CD109: variants seen among roughly 807,000 people sequenced by gnomAD.
CD109 encodes the protein CD109 antigen.
Under a neutral mutation model 165.8 loss-of-function variants are expected in CD109, and 149 were observed. The observed-to-expected ratio is 0.90, with a 90% CI of 0.79 to 1.03. The LOEUF (loss-of-function observed/expected upper bound fraction) is 1.03. CD109 is among the 50% of genes least tolerant of loss of function. CD109 has a pLI of 0.00. For missense variants in CD109, 1,712 were observed against 1,677.8 expected (o/e 1.02, Z -0.36); for synonymous variants, 585 against 592.1 (o/e 0.99, Z 0.18).
chr6:73,709,585 C>T (rs1447649109), intron 2 of CD109, among the ~76,000 whole-genome samples: 3 of 152,112 alleles, frequency 2.0e-5, no homozygotes, highest in African/African-American at 7.2e-5. Context: ...TATAAATTAC[C>T]TTGGGCAGTA....
chr6:73,815,403 CTTTAAA>C (rs1385653482), intron 30 of CD109, among the ~76,000 whole-genome samples: 1 of 152,118 alleles, frequency 6.6e-6, no homozygotes, highest in Non-Finnish European at 1.5e-5. Flanking sequence ...TTTAGGAAAA[CTTTAAA>C]TTAAGTCAAT....
In CD109 at chr6:73,731,442, G is replaced by C. The variant is rs922736771; in HGVS notation, c.507+868G>C. Among the ~76,000 whole-genome samples the C allele has an allele frequency of 1.3e-4, 20 of 152,218 alleles. 1 individual carries two copies. Among genetic ancestry groups the C allele is most frequent in the Non-Finnish European group, 1.5e-5 (1 of 68,044 alleles). On this transcript the variant is annotated intron_variant, in intron 4 of 32. Transcript: ENST00000287097. ...GGGGAAGCACATGGAAAGGCCCTGA[G>C]GGGGAGCTTGTTTGGCGCATTGGAG...
At chr6:73,759,050 A>C in intron 7 of CD109, 22 bp downstream of exon 7, 1 of 1,428,706 alleles carries the variant, frequency 7.0e-7, no homozygotes, top group Admixed American at 1.7e-5. Context: ...TTTTCTTTTG[A>C]TATGACTCAA....
At chr6:73,726,241 G>A (rs1029508904) in intron 3 of CD109, among the ~76,000 whole-genome samples, 4 of 152,092 alleles carry the variant, frequency 2.6e-5, no homozygotes, top group African/African-American at 4.8e-5. Context: ...ACACAAATGT[G>A]TTTTTTATTT....
Position 73,781,175 on chromosome 6 carries a change from G to T in CD109, c.1903-84G>T, listed in dbSNP as rs561741863. ...AGCTCTCAAAAATGAGCACAAGTGAGTCAGGAGTTTGGGAGACTGCCTTGA... is the reference window on the plus strand; with the variant it reads ...AGCTCTCAAAAATGAGCACAAGTGATTCAGGAGTTTGGGAGACTGCCTTGA... On this transcript the variant is annotated intron_variant, in intron 16 of 32. Coordinates refer to ENST00000287097, the MANE Select transcript of CD109 (RefSeq NM_133493.5). 12 of 1,091,106 alleles carry T rather than the reference G, an allele frequency of 1.1e-5. No individual in the cohort carries two copies. The South Asian group carries it at 1.5e-4, about 13-fold the overall frequency. The allele number at this position is 1,091,106 out of a possible 1,614,324, so 67.6% of individuals were successfully genotyped here. A position where few individuals can be genotyped will look rare whatever the true frequency, so the allele number is the denominator to read the frequency against.
At chr6:73,693,505 T>A (rs1482644882), upstream of CD109, among the ~76,000 whole-genome samples, 1 of 152,180 alleles carries the variant, frequency 6.6e-6, no homozygotes, top group African/African-American at 2.4e-5. Context: ...GCGACAAACA[T>A]CCAAATGACA....
chr6:73,700,937 G>T (rs1235462437), intron 2 of CD109, among the ~76,000 whole-genome samples: 1 of 151,104 alleles, frequency 6.6e-6, no homozygotes, highest in East Asian at 1.9e-4. Context: ...GAGTAACTGG[G>T]ACTACAGGCA....
At position 73,730,398 on chromosome 6, in the gene CD109, C is replaced by T; in HGVS notation, c.331C>T (p.Gln111Ter). The T allele has an allele frequency of 6.2e-7, 1 of 1,614,016 alleles. No homozygotes were observed. The highest frequency in any genetic ancestry group is 8.5e-7 in the Non-Finnish European group (1 of 1,179,946). Residue 111 changes from glutamine to a stop codon, truncating the protein, a stop_gained, in exon 4 of 33, where the codon CAG becomes TAG. Transcript: ENST00000287097. LOFTEE classifies it high-confidence loss of function. ...TGAGCTACGTGTAACCGGACGTACCCAGGATGAGATTTTATTCTCTAATAG... is the reference window on the plus strand; with the variant it reads ...TGAGCTACGTGTAACCGGACGTACCTAGGATGAGATTTTATTCTCTAATAG... The part of the protein sequence containing the change: ...IYELRVTGRT[Q>*]DEILFSNSTR...
intron 8 of CD109, 109 bp downstream of exon 8, chr6:73,762,589 A>C (rs924257745): frequency 1.0e-6 from 1 of 973,830 alleles, no homozygotes; most frequent in African/African-American, 1.7e-5. Flanking sequence ...GAAAATCAAG[A>C]GCTTTCCAGC....
chr6:73,797,303 A>G (rs1325184115), intron 23 of CD109, among the ~76,000 whole-genome samples: 3 of 152,258 alleles, frequency 2.0e-5, no homozygotes, highest in Non-Finnish European at 4.4e-5. Flanking sequence ...CTGTTAATTG[A>G]AGATTTAAAC....
intron 2 of CD109, among the ~76,000 whole-genome samples, chr6:73,711,076 A>G (rs1172460022): frequency 1.3e-5 from 2 of 152,244 alleles, no homozygotes; most frequent in Non-Finnish European, 2.9e-5. Context: ...CGTGGGCCAG[A>G]CTGGATCTGT....
chr6:73,685,472 T>C, the CD109 span, among the ~76,000 whole-genome samples: 1 of 152,196 alleles, frequency 6.6e-6, no homozygotes, highest in Admixed American at 6.5e-5. Flanking sequence ...GTGGATTTTG[T>C]ATCATACAAC....
chr6:73,777,028 C>T, intron 15 of CD109, among the ~76,000 whole-genome samples: 1 of 25,166 alleles, frequency 4.0e-5, no homozygotes, highest in Non-Finnish European at 6.5e-5. Flanking sequence ...CCCCTTGTTG[C>T]CCACGCTGCA....
chr6:73,737,258 T>A (rs1772581327), intron 5 of CD109, among the ~76,000 whole-genome samples: 1 of 152,240 alleles, frequency 6.6e-6, no homozygotes, highest in South Asian at 2.1e-4. Flanking sequence ...ATATGTAATA[T>A]GAAATGCATG....
At chr6:73,688,635 G>T in the CD109 span, among the ~76,000 whole-genome samples, 1 of 152,048 alleles carries the variant, frequency 6.6e-6, no homozygotes, top group Non-Finnish European at 1.5e-5. Context: ...TAGAAGCCTG[G>T]AACTTCTAGT....
In CD109 at chr6:73,765,946, C is replaced by G; in HGVS notation, c.1124C>G (p.Ala375Gly). 1 of 1,613,410 alleles carries G rather than the reference C, an allele frequency of 6.2e-7. No individual in the cohort carries two copies. ...NFTATVKVTR[A>G]DGNQLTLEER... ...GACCATTAGGTGAAGGTAACTCGTG[C>G]TGATGGCAACCAACTGACTCTTGAA... Residue 375 changes from alanine (A) to glycine (G), a missense_variant, in exon 11 of 33, where the codon GCT becomes GGT. Coordinates refer to ENST00000287097, the MANE Select transcript of CD109 (RefSeq NM_133493.5).
At chr6:73,720,617 G>A (rs551206705) in intron 2 of CD109, among the ~76,000 whole-genome samples, 5 of 151,724 alleles carry the variant, frequency 3.3e-5, no homozygotes, top group African/African-American at 7.3e-5. Context: ...TCTATATGTC[G>A]CATACCATAA....
chr6:73,775,340 C>T (rs985090402), intron 15 of CD109, among the ~76,000 whole-genome samples: 3 of 151,986 alleles, frequency 2.0e-5, no homozygotes, highest in African/African-American at 7.3e-5. Flanking sequence ...CAGTTAAAAT[C>T]GATTTAATGA....
the CD109 span, among the ~76,000 whole-genome samples, chr6:73,682,689 A>G: frequency 6.6e-6 from 1 of 152,376 alleles, no homozygotes; most frequent in South Asian, 2.1e-4. Flanking sequence ...TTCTTGCCCT[A>G]GCAGAGGTTC....
Sources: allele counts gnomAD v4.1 joint callset (sites outside exome capture counted in the v4.1 genomes callset), GRCh38; gene constraint gnomAD v4.1.1; transcripts MANE v1.5; gene names NCBI Gene and HGNC (gene_info 2026-07-23, HGNC 2026-07-21).